The following SYNPO variants were observed in gnomAD, a reference collection of about 807,000 sequenced individuals.
The protein encoded by SYNPO is synaptopodin.
Under a neutral mutation model 49.5 loss-of-function variants are expected in SYNPO, and 19 were observed. That is an observed-to-expected ratio of 0.38 (90% CI 0.27 to 0.56). The LOEUF (loss-of-function observed/expected upper bound fraction) is 0.56. Ranked by LOEUF, SYNPO falls within the 20% of genes least tolerant of loss-of-function variation. SYNPO has a pLI of 0.68. For synonymous variants in SYNPO, 536 were observed against 548.0 expected (o/e 0.98, Z 0.31); for missense variants, 1,131 against 1,248.3 (o/e 0.91, Z 1.42).
rs75470207 is a variant in SYNPO at position 150,633,307 on chromosome 5, A to G, written c.400+14540A>G. 7.3e-3 allele frequency among the ~76,000 whole-genome samples: 1,115 copies of G among 152,344 alleles called. 18 individuals carry two copies. The highest frequency in any genetic ancestry group is 0.025 in the African/African-American group (1,051 of 41,578). On this transcript the variant is annotated intron_variant, in intron 2 of 2. Coordinates refer to the SYNPO transcript ENST00000394243. Reference sequence around the variant, plus strand: ...TAGAGGAAACTGAGGCTCCGCACATATAAGGCTTGCTAAAGGTCACCATAG... The same window carrying G: ...TAGAGGAAACTGAGGCTCCGCACATGTAAGGCTTGCTAAAGGTCACCATAG...
At position 150,657,006 on chromosome 5, in the gene SYNPO, C is replaced by T. The variant is rs1758596398; in HGVS notation, c.2631C>T (p.Tyr877=). The stretch of plus-strand genomic sequence containing the variant: ...CTAAGTCTCCAGGCATCCTGGGCTA[C>T]AATATCTGTCCCCGCGGGTGGAATG... ...SGAKSPGILG[Y]NICPRGWNGS... Residue 877 remains tyrosine, a synonymous_variant, in exon 3 of 3, where the codon TAC becomes TAT. Transcript: ENST00000307662. 2 of 1,601,898 alleles carry T rather than the reference C, an allele frequency of 1.2e-6. No individual in the cohort carries two copies. The highest frequency in any genetic ancestry group is 1.7e-6 in the Non-Finnish European group (2 of 1,174,676).
In SYNPO at chr5:150,648,658, C is replaced by T. The variant is rs755915955; in HGVS notation, c.383C>T (p.Thr128Ile). ...SSEAQLPSNGTGPASKPSTLC... is the reference protein window; with the variant it reads ...SSEAQLPSNGIGPASKPSTLC... ...GAGGCCCAACTCCCATCTAATGGCA[C>T]AGGGCCTGCTTCCAAACCCAGCACC... The change falls in exon 2 of 3, where the codon ACA (threonine) becomes ATA (isoleucine). Residue 128 changes from threonine to isoleucine, a missense_variant. Thr to Ile is a moderately conservative substitution (Grantham distance 89, BLOSUM62 -1). Around this residue, in one of 4 missense-constraint regions of SYNPO, gnomAD observed 602 missense variants for 720.7 expected, o/e 0.84. Coordinates refer to ENST00000307662, the MANE Select transcript of SYNPO (RefSeq NM_007286.6). The surrounding 1 kb of genome is among the most constrained non-coding windows in gnomAD (Gnocchi z 5.0). 1.9e-6 allele frequency: 3 copies of T among 1,614,224 alleles called. No individual in the cohort carries two copies. Among genetic ancestry groups the T allele is most frequent in the South Asian group, 1.1e-5 (1 of 91,084 alleles).
Position 150,647,988 on chromosome 5 carries a change from G to A in SYNPO, c.-288G>A. On this transcript the variant is annotated 5_prime_UTR_variant, in exon 2 of 3. Coordinates refer to ENST00000307662, the MANE Select transcript of SYNPO (RefSeq NM_007286.6). ...CCTCACGGAGAAGGATCTGAAAGAA[G>A]CCAAGGCGCGGAGCCAGCAGATTGC... 1 of 1,551,870 alleles carries A rather than the reference G, an allele frequency of 6.4e-7. No homozygotes were observed. The highest frequency in any genetic ancestry group is 8.7e-7 in the Non-Finnish European group (1 of 1,146,996).
chr5:150,604,210 G>A (rs1034918565), intron 1 of SYNPO, among the ~76,000 whole-genome samples: 2 of 152,236 alleles, frequency 1.3e-5, no homozygotes, highest in Non-Finnish European at 2.9e-5. Context: ...CATGGGCACG[G>A]TTATAGAGAG....
At chr5:150,604,290 G>T (rs974116240) in intron 1 of SYNPO, among the ~76,000 whole-genome samples, 1 of 152,214 alleles carries the variant, frequency 6.6e-6, no homozygotes, top group South Asian at 2.1e-4. Flanking sequence ...GAGCAACTGC[G>T]TCCCAAAGAA....
At chr5:150,603,369 T>TG (rs954428772) in intron 1 of SYNPO, among the ~76,000 whole-genome samples, 6 of 152,156 alleles carry the variant, frequency 3.9e-5, no homozygotes, top group Admixed American at 3.3e-4. Context: ...GCAAGGGTTC[T>TG]GGGGGGGCCC....
exon 2 of SYNPO, chr5:150,618,668 G>A (rs1271064548): frequency 5.2e-6 from 8 of 1,550,792 alleles, no homozygotes; most frequent in Admixed American, 3.9e-5. Context: ...GTCCCAGCAC[G>A]ACGACAGGGC....
Position 150,648,460 on chromosome 5 carries a change from T to G in SYNPO, c.185T>G (p.Val62Gly), listed in dbSNP as rs1758195822. ...QSSPAPPPAEVHSPAADVNQN... is the reference protein window; with the variant it reads ...QSSPAPPPAEGHSPAADVNQN... Reference sequence around the variant, plus strand: ...TCACCGGCCCCACCTCCAGCTGAGGTCCACAGCCCAGCTGCAGATGTCAAC... The same window carrying G: ...TCACCGGCCCCACCTCCAGCTGAGGGCCACAGCCCAGCTGCAGATGTCAAC... Residue 62 changes from valine (V) to glycine (G), a missense_variant, in exon 2 of 3, where the codon GTC becomes GGC. Transcript: ENST00000307662. The surrounding 1 kb of genome is among the most constrained non-coding windows in gnomAD (Gnocchi z 5.0). The G allele has an allele frequency of 6.2e-7, 1 of 1,613,380 alleles. No individual in the cohort carries two copies. The highest frequency in any genetic ancestry group is 8.5e-7 in the Non-Finnish European group (1 of 1,179,834).
At chr5:150,642,915 A>C (rs900427945) in intron 1 of SYNPO, among the ~76,000 whole-genome samples, 1 of 152,214 alleles carries the variant, frequency 6.6e-6, no homozygotes, top group Non-Finnish European at 1.5e-5. Context: ...GCGGCAGCCC[A>C]GGTTGTGCAT....
Position 150,651,096 on chromosome 5 carries a change from G to A in SYNPO, c.2028+793G>A, listed in dbSNP as rs115132497. On this transcript the variant is annotated intron_variant, in intron 2 of 2. Coordinates refer to ENST00000307662, the MANE Select transcript of SYNPO (RefSeq NM_007286.6). ...TTGCTGTCACCGCTCTAGGGGTGGG[G>A]GACGTCCCAGGGGATCCCCAGGAGA... The A allele has an allele frequency of 4.4e-3, 4,870 of 1,110,056 alleles. 118 individuals carry two copies. The African/African-American group carries it at 0.054, about 12-fold the overall frequency. 68.8% of individuals were successfully genotyped at this position (1,110,056 alleles called of 1,614,324 possible). A position where few individuals can be genotyped will look rare whatever the true frequency, so the allele number is the denominator to read the frequency against.
rs1207036011 is a variant in SYNPO, at chr5:150,648,028, C to A, written c.-248C>A. 2.6e-6 allele frequency: 4 copies of A among 1,551,854 alleles called. No homozygotes were observed. Among genetic ancestry groups the A allele is most frequent in the Non-Finnish European group, 3.5e-6 (4 of 1,147,010 alleles). ...CAGCAGATTGCAGCCCAGCTGACCA[C>A]CCCTCCCAGCTCCAATTCCCGTGGC... On this transcript the variant is annotated 5_prime_UTR_variant, in exon 2 of 3. Transcript: ENST00000307662. This position sits in a 1 kb window ranked among gnomAD's most constrained non-coding sequence, Gnocchi z 5.0.
chr5:150,640,683 C>T lies in SYNPO; in HGVS notation c.-504C>T, dbSNP rs1757871305. The T allele has an allele frequency of 1.0e-6, 1 of 985,472 alleles. No individual in the cohort carries two copies. Among genetic ancestry groups the T allele is most frequent in the Admixed American group, 6.1e-5 (1 of 16,270 alleles). The allele number at this position is 985,472 out of a possible 1,614,324, so 61.0% of individuals were successfully genotyped here. The stretch of plus-strand genomic sequence containing the variant: ...CTGATAAAGAGCTGGGCTGAGTCAT[C>T]TGTGGAGGAGAAAAGTCACATCCAG... On this transcript the variant is annotated 5_prime_UTR_variant, in exon 1 of 3. Coordinates refer to ENST00000307662, the MANE Select transcript of SYNPO (RefSeq NM_007286.6).
At chr5:150,651,655 C>T (rs1758392012) in intron 2 of SYNPO, 1 of 1,001,538 alleles carries the variant, frequency 1.0e-6, no homozygotes, top group South Asian at 4.7e-5. Flanking sequence ...ATGGCAGGAG[C>T]TGGGGCAGGT....
intron 1 of SYNPO, among the ~76,000 whole-genome samples, chr5:150,601,618 G>A (rs1756544952): frequency 6.6e-6 from 1 of 152,192 alleles, no homozygotes; most frequent in Non-Finnish European, 1.5e-5. Flanking sequence ...TCTGCAGGTC[G>A]GTGGGGTATT....
At position 150,657,609 on chromosome 5, in the gene SYNPO, G is replaced by A. The variant is rs1024656027; in HGVS notation, c.*522G>A. 1 of 156,522 alleles carries A rather than the reference G, an allele frequency of 6.4e-6. No individual in the cohort carries two copies. The highest frequency in any genetic ancestry group is 1.4e-5 in the Non-Finnish European group (1 of 70,540). 9.7% of individuals were successfully genotyped at this position (156,522 alleles called of 1,614,324 possible). ...TCTGGCAAGCGGGGTGTGTTCAGAAGGTCCTAGGCCTGTGTCGCATGTCCA... is the reference window on the plus strand; with the variant it reads ...TCTGGCAAGCGGGGTGTGTTCAGAAAGTCCTAGGCCTGTGTCGCATGTCCA... On this transcript the variant is annotated 3_prime_UTR_variant, in exon 3 of 3. Coordinates refer to ENST00000307662, the MANE Select transcript of SYNPO (RefSeq NM_007286.6).
chr5:150,598,067 T>C (rs1230342207), upstream of SYNPO, among the ~76,000 whole-genome samples: 5 of 151,874 alleles, frequency 3.3e-5, no homozygotes, highest in South Asian at 4.2e-4. Context: ...AGTAGTGGGA[T>C]CTTGCCTGTG....
intron 2 of SYNPO, among the ~76,000 whole-genome samples, chr5:150,634,827 A>AACACACAC (rs202176402): frequency 4.0e-5 from 5 of 124,766 alleles, no homozygotes; most frequent in African/African-American, 1.1e-4. Context: ...CCCTGTCTAA[A>AACACACAC]ACACACACAC....
intron 2 of SYNPO, among the ~76,000 whole-genome samples, chr5:150,621,659 C>T (rs1757178355): frequency 6.6e-6 from 1 of 152,194 alleles, no homozygotes; most frequent in Admixed American, 6.5e-5. Context: ...GGCTCACAGG[C>T]AGGTTTAAGT....
At chr5:150,588,696 C>T in the SYNPO span, among the ~76,000 whole-genome samples, 5 of 151,570 alleles carry the variant, frequency 3.3e-5, no homozygotes, top group African/African-American at 7.3e-5. Flanking sequence ...GAGGCTGGGG[C>T]GGTGCTCCCA....
Sources: allele counts gnomAD v4.1 joint callset (sites outside exome capture counted in the v4.1 genomes callset), GRCh38; gene constraint gnomAD v4.1.1; regional missense constraint gnomAD v4.1.1; non-coding constraint Gnocchi (gnomAD v3.1); transcripts MANE v1.5; gene names NCBI Gene and HGNC (gene_info 2026-07-23, HGNC 2026-07-21).